The following CCDC66 variants were observed in gnomAD, a reference collection of about 807,000 sequenced individuals.
CCDC66 encodes coiled-coil domain-containing protein 66.
Under a neutral mutation model 128.3 loss-of-function variants are expected in CCDC66, and 133 were observed. The observed-to-expected ratio is 1.04, with a 90% CI of 0.90 to 1.20. The LOEUF is 1.20. CCDC66 is among the 50% of genes most tolerant of loss of function. The probability of loss-of-function intolerance (pLI) is 0.00; values close to 1 mark genes in which losing one functional copy is unlikely to be tolerated. For synonymous variants in CCDC66, 387 were observed against 357.0 expected (o/e 1.08, Z -0.95); for missense variants, 1,126 against 1,075.5 (o/e 1.05, Z -0.66).
At position 56,576,058 on chromosome 3, in the gene CCDC66, C is replaced by CA. The variant is rs879615815; in HGVS notation, c.936+4766dup. ...TTTAGGATGGATTTTTCTATTTCTG[C>CA]AAAAAAAAAAGATTATTGATATTTT... On this transcript the variant is annotated intron_variant, in intron 7 of 17. Coordinates refer to ENST00000394672, the MANE Select transcript of CCDC66 (RefSeq NM_001141947.3). Among the ~76,000 whole-genome samples, 111 of 144,736 alleles carry CA rather than the reference C, an allele frequency of 7.7e-4. 1 individual carries two copies. The highest frequency in any genetic ancestry group is 1.3e-3 in the Admixed American group (19 of 14,248). 95.0% of individuals were successfully genotyped at this position (144,736 alleles called of 152,430 possible).
rs766545964 is a variant in CCDC66 at position 56,615,894 on chromosome 3, G to A, written c.1712-28G>A. On this transcript the variant is annotated intron_variant, in intron 12 of 17. Coordinates refer to ENST00000394672, the MANE Select transcript of CCDC66 (RefSeq NM_001141947.3). Reference sequence around the variant, plus strand: ...TTTTTATTAATATTCCTTAAGTGTTGTTTTATCAGGTGATTTCTCTTTGCC... The same window carrying A: ...TTTTTATTAATATTCCTTAAGTGTTATTTTATCAGGTGATTTCTCTTTGCC... 2.6e-6 allele frequency: 4 copies of A among 1,561,754 alleles called. No homozygotes were observed. In the South Asian group the frequency reaches 3.5e-5, roughly 14 times the overall value.
At chr3:56,605,434 G>A (rs2107208677) in intron 10 of CCDC66, among the ~76,000 whole-genome samples, 1 of 152,144 alleles carries the variant, frequency 6.6e-6, no homozygotes, top group Non-Finnish European at 1.5e-5. Flanking sequence ...TTTGATCTTG[G>A]TGACCTTTGG....
intron 10 of CCDC66, among the ~76,000 whole-genome samples, chr3:56,609,530 T>C (rs1380265724): frequency 6.6e-6 from 1 of 152,238 alleles, no homozygotes; most frequent in Non-Finnish European, 1.5e-5. Context: ...CATTCTGCAG[T>C]TCTGTATCTT....
chr3:56,614,805 C>T (rs569919718), intron 11 of CCDC66, among the ~76,000 whole-genome samples: 1 of 152,026 alleles, frequency 6.6e-6, no homozygotes, highest in Admixed American at 6.5e-5. Flanking sequence ...TCATTTGAAC[C>T]GCAAGAAATG....
rs553856890 is a variant in CCDC66, at chr3:56,557,597, G to A, written c.11+344G>A. On this transcript the variant is annotated intron_variant, in intron 1 of 17. Coordinates refer to ENST00000394672, the MANE Select transcript of CCDC66 (RefSeq NM_001141947.3). Reference sequence around the variant, plus strand: ...AGGAAGCGTGGCGGCTCCTGGGGAGGACTCCTGGCCCATGCCCCGGGTTCT... The same window carrying A: ...AGGAAGCGTGGCGGCTCCTGGGGAGAACTCCTGGCCCATGCCCCGGGTTCT... The A allele has an allele frequency of 6.0e-5, 21 of 350,000 alleles. 1 individual carries two copies. The South Asian group carries it at 9.8e-4, about 16-fold the overall frequency. 21.7% of individuals were successfully genotyped at this position (350,000 alleles called of 1,614,324 possible).
intron 3 of CCDC66, 101 bp from the exon 4 acceptor site, chr3:56,563,583 T>C (rs577998476): frequency 2.2e-6 from 2 of 906,620 alleles, no homozygotes; most frequent in East Asian, 2.7e-5. Flanking sequence ...AATAGCAAAA[T>C]GGAAAAAAGT....
intron 7 of CCDC66, among the ~76,000 whole-genome samples, chr3:56,586,547 AAAAG>A (rs961865769): frequency 6.6e-6 from 1 of 151,510 alleles, no homozygotes; most frequent in African/African-American, 2.4e-5. Flanking sequence ...AAAAAAGAAA[AAAAG>A]AAAACTAAAG....
At chr3:56,620,073 T>C (rs2076181912) in intron 17 of CCDC66, 172 bp downstream of exon 17, 1 of 573,790 alleles carries the variant, frequency 1.7e-6, no homozygotes, top group Admixed American at 3.3e-5. Context: ...TTCCTAAGAC[T>C]TGCTTTTACA....
chr3:56,568,053 A>T (rs1312975914), intron 6 of CCDC66, among the ~76,000 whole-genome samples: 1 of 152,064 alleles, frequency 6.6e-6, no homozygotes, highest in Non-Finnish European at 1.5e-5. Context: ...CAGATGACAA[A>T]TGTTTCCTTC....
chr3:56,588,721 C>G (rs1287660745), intron 7 of CCDC66, among the ~76,000 whole-genome samples: 1 of 152,066 alleles, frequency 6.6e-6, no homozygotes, highest in Non-Finnish European at 1.5e-5. Flanking sequence ...TGGAATTAAG[C>G]TAGATATCAG....
At chr3:56,615,681 G>A (rs921867454) in intron 12 of CCDC66, among the ~76,000 whole-genome samples, 1 of 152,144 alleles carries the variant, frequency 6.6e-6, no homozygotes, top group Non-Finnish European at 1.5e-5. Context: ...AGGTTAAAAT[G>A]TGTTAATGTT....
chr3:56,615,689 G>A (rs1188182645), intron 12 of CCDC66, among the ~76,000 whole-genome samples: 1 of 152,136 alleles, frequency 6.6e-6, no homozygotes, highest in Non-Finnish European at 1.5e-5. Flanking sequence ...ATGTGTTAAT[G>A]TTAAAATAAT....
chr3:56,592,875 A>G, intron 7 of CCDC66, 95 bp from the exon 8 acceptor site: 1 of 1,314,068 alleles, frequency 7.6e-7, no homozygotes, highest in African/African-American at 1.5e-5. Flanking sequence ...GCCTCAGTGG[A>G]TTAAATCTGT....
At chr3:56,590,577 A>T (rs2070700792) in intron 7 of CCDC66, among the ~76,000 whole-genome samples, 1 of 151,956 alleles carries the variant, frequency 6.6e-6, no homozygotes, top group Non-Finnish European at 1.5e-5. Context: ...GGGCAACAAC[A>T]TGATAAAATC....
chr3:56,613,679 C>T lies in CCDC66; in HGVS notation c.1495C>T (p.Arg499Cys), dbSNP rs200531719. The T allele has an allele frequency of 1.9e-5, 31 of 1,614,028 alleles. No homozygotes were observed. The East Asian group carries it at 4.0e-4, about 21-fold the overall frequency. ...RKKEEQEEEL[R>C]LAQEREEMQK... ...GAAGGAAGAACAAGAAGAGGAGCTT[C>T]GCTTAGCACAGGAACGTGAAGAGAT... is the stretch of plus-strand genomic sequence containing the variant. Residue 499 changes from arginine to cysteine, a missense_variant, in exon 11 of 18, where the codon CGC (arginine) becomes TGC (cysteine). Transcript: ENST00000394672.
chr3:56,608,511 C>G (rs1051554781), intron 10 of CCDC66, among the ~76,000 whole-genome samples: 3 of 152,160 alleles, frequency 2.0e-5, no homozygotes, highest in African/African-American at 4.8e-5. Flanking sequence ...TGGATTTTCT[C>G]TGTTCTTTTC....
chr3:56,571,370 G>C, intron 7 of CCDC66, 68 bp downstream of exon 7: 1 of 1,109,670 alleles, frequency 9.0e-7, no homozygotes. Flanking sequence ...TATTTTTAAA[G>C]CTTATTAAAA....
chr3:56,596,027 G>C (rs1201402054), intron 10 of CCDC66, among the ~76,000 whole-genome samples: 3 of 152,154 alleles, frequency 2.0e-5, no homozygotes, highest in Non-Finnish European at 4.4e-5. Flanking sequence ...CAATCCTGCT[G>C]CCCGAGCCTC....
At chr3:56,594,636 T>C (rs557451199) in intron 10 of CCDC66, among the ~76,000 whole-genome samples, 232 of 152,104 alleles carry the variant, frequency 1.5e-3, no homozygotes, top group Middle Eastern at 3.4e-3. Context: ...TGAGCTGAGA[T>C]TGTGCTACTG....
Sources: gnomAD v4.1 joint callset for allele counts (sites outside exome capture counted in the v4.1 genomes callset) on GRCh38, gnomAD v4.1.1 for gene constraint, MANE v1.5 for transcripts, NCBI Gene and HGNC (gene_info 2026-07-23, HGNC 2026-07-21) for gene names.